The following MSRA variants were observed in gnomAD, a reference collection of about 807,000 sequenced individuals.
MSRA encodes the protein methionine sulfoxide reductase A.
Under a neutral mutation model 31.3 loss-of-function variants are expected in MSRA, and 54 were observed. That is an observed-to-expected ratio of 1.73 (90% CI 1.39 to 2.17). The LOEUF (loss-of-function observed/expected upper bound fraction) is 2.17. Among genes scored for constraint, MSRA ranks in the 30% most tolerant of loss-of-function variants. MSRA has a pLI of 0.00. For missense variants in MSRA, 507 were observed against 300.9 expected (o/e 1.69, Z -5.07); for synonymous variants, 169 against 116.5 (o/e 1.45, Z -2.90).
intron 1 of MSRA, among the ~76,000 whole-genome samples, chr8:10,057,978 G>C (rs921534223): frequency 6.6e-6 from 1 of 152,218 alleles, no homozygotes; most frequent in Non-Finnish European, 1.5e-5. Flanking sequence ...ATCTGTGTTT[G>C]GGAATGAATC....
At chr8:10,207,135 G>T (rs1809063557) in intron 1 of MSRA, among the ~76,000 whole-genome samples, 1 of 152,210 alleles carries the variant, frequency 6.6e-6, no homozygotes, top group Non-Finnish European at 1.5e-5. Context: ...CAGTTTGGGG[G>T]TTGTAAGATC....
In MSRA at chr8:10,260,819, C is replaced by T. The variant is rs185347274; in HGVS notation, c.331+15596C>T. Among the ~76,000 whole-genome samples the T allele has an allele frequency of 1.5e-3, 223 of 152,252 alleles. 2 individuals are homozygous for T. Among genetic ancestry groups the T allele is most frequent in the Non-Finnish European group, 1.5e-3 (101 of 68,018 alleles). Reference sequence around the variant, plus strand: ...TTTAATTCATCTTTGTAAGACCTGACTTTAATTATGTCACTTCTGAATGTT... The same window carrying T: ...TTTAATTCATCTTTGTAAGACCTGATTTTAATTATGTCACTTCTGAATGTT... On this transcript the variant is annotated intron_variant, in intron 3 of 5. Transcript: ENST00000317173.
chr8:10,300,723 A>T (rs765106591), intron 3 of MSRA, among the ~76,000 whole-genome samples: 5 of 152,204 alleles, frequency 3.3e-5, no homozygotes, highest in Non-Finnish European at 7.3e-5. Flanking sequence ...CTGAAAACAG[A>T]TAGATAAAAA....
intron 1 of MSRA, among the ~76,000 whole-genome samples, chr8:10,155,389 T>C (rs956046586): frequency 6.6e-6 from 1 of 152,070 alleles, no homozygotes; most frequent in Non-Finnish European, 1.5e-5. Context: ...ACACCCACGC[T>C]CTCTCTCTCA....
At chr8:10,136,468 G>A (rs1045271659) in intron 1 of MSRA, among the ~76,000 whole-genome samples, 1 of 152,212 alleles carries the variant, frequency 6.6e-6, no homozygotes, top group Non-Finnish European at 1.5e-5. Flanking sequence ...CAGCTCGGGA[G>A]CCCACAAGAT....
At chr8:10,217,530 T>C (rs1810098836) in intron 2 of MSRA, among the ~76,000 whole-genome samples, 1 of 152,248 alleles carries the variant, frequency 6.6e-6, no homozygotes, top group Non-Finnish European at 1.5e-5. Context: ...TGTTTTTTAC[T>C]TTGCAATTGT....
intron 2 of MSRA, among the ~76,000 whole-genome samples, chr8:10,226,345 C>T (rs1317540784): frequency 6.6e-6 from 1 of 152,218 alleles, no homozygotes; most frequent in African/African-American, 2.4e-5. Flanking sequence ...TGTTTTACTG[C>T]TTGTCAAGAA....
chr8:10,323,031 A>G (rs1802139629), intron 5 of MSRA, among the ~76,000 whole-genome samples: 1 of 149,364 alleles, frequency 6.7e-6, no homozygotes. Context: ...CAAAGGTTGC[A>G]CTGAGCTGAG....
intron 5 of MSRA, among the ~76,000 whole-genome samples, chr8:10,401,078 C>G (rs1807432852): frequency 6.9e-6 from 1 of 144,456 alleles, no homozygotes; most frequent in South Asian, 2.4e-4. Flanking sequence ...AAAACTTTTA[C>G]ACATCAGTGG....
intron 1 of MSRA, among the ~76,000 whole-genome samples, chr8:10,152,221 A>G (rs1464736788): frequency 6.6e-6 from 1 of 152,252 alleles, no homozygotes; most frequent in Non-Finnish European, 1.5e-5. Flanking sequence ...GTGTGCAAAT[A>G]TATGTATATG....
intron 5 of MSRA, among the ~76,000 whole-genome samples, chr8:10,345,277 T>C (rs1044873750): frequency 1.3e-5 from 2 of 152,226 alleles, no homozygotes; most frequent in African/African-American, 4.8e-5. Flanking sequence ...GTTAGTGTAA[T>C]GGTCTTCCCA....
intron 5 of MSRA, among the ~76,000 whole-genome samples, chr8:10,402,182 G>A (rs1022114594): frequency 2.2e-4 from 33 of 152,268 alleles, no homozygotes; most frequent in African/African-American, 7.9e-4. Flanking sequence ...CACTCCCTGT[G>A]CGATGCCTGT....
At chr8:10,285,171 A>T (rs1585366256) in intron 3 of MSRA, among the ~76,000 whole-genome samples, 1 of 152,144 alleles carries the variant, frequency 6.6e-6, no homozygotes, top group African/African-American at 2.4e-5. Flanking sequence ...TTCATCTTGT[A>T]AAACCAAAAC....
At chr8:10,389,740 C>CT (rs35603997) in intron 5 of MSRA, among the ~76,000 whole-genome samples, 214 of 109,242 alleles carry the variant, frequency 2.0e-3, no homozygotes, top group East Asian at 5.7e-3. Context: ...CAGAAGCTTG[C>CT]TTTTTTTTTT....
chr8:10,236,600 A>G (rs1206144900), intron 2 of MSRA, among the ~76,000 whole-genome samples: 2 of 152,244 alleles, frequency 1.3e-5, no homozygotes, highest in Non-Finnish European at 2.9e-5. Flanking sequence ...GCTAGAGTGC[A>G]GTGGTGGAAT....
At chr8:10,337,381 G>C in intron 5 of MSRA, 1 of 236,980 alleles carries the variant, frequency 4.2e-6, no homozygotes, top group Non-Finnish European at 8.3e-6. Flanking sequence ...GCATTTCACT[G>C]TGTTAGCCAG....
Position 10,207,828 on chromosome 8 carries a change from T to C in MSRA, c.143-5T>C, listed in dbSNP as rs74700080. On this transcript the variant is annotated splice_region_variant and splice_polypyrimidine_tract_variant and intron_variant, in intron 1 of 5. Transcript: ENST00000317173. The stretch of plus-strand genomic sequence containing the variant: ...AAACTTGCATTTCTTTTTTTTTTTT[T>C]CTAGCCAAACATCATGTCAATGGCA... 4.4e-6 allele frequency: 7 copies of C among 1,604,114 alleles called. No homozygotes were observed. Among genetic ancestry groups the C allele is most frequent in the African/African-American group, 4.0e-5 (3 of 74,392 alleles).
chr8:10,213,281 A>C (rs9329217), intron 2 of MSRA, among the ~76,000 whole-genome samples: 5,304 of 152,130 alleles, frequency 0.035, 277 homozygotes, highest in African/African-American at 0.12. Context: ...CCCACAAATA[A>C]GTGAGAACAT....
intron 1 of MSRA, among the ~76,000 whole-genome samples, chr8:10,078,714 A>AT (rs1798124158): frequency 6.6e-6 from 1 of 152,106 alleles, no homozygotes; most frequent in South Asian, 2.1e-4. Flanking sequence ...AGCTATAACC[A>AT]TTTTTCTGCC....
Sources: allele counts gnomAD v4.1 joint callset (sites outside exome capture counted in the v4.1 genomes callset), GRCh38; gene constraint gnomAD v4.1.1; transcripts MANE v1.5; gene names NCBI Gene and HGNC (gene_info 2026-07-23, HGNC 2026-07-21).